The following PTPRC variants were observed in gnomAD, a reference collection of about 807,000 sequenced individuals.
PTPRC encodes the protein receptor-type tyrosine-protein phosphatase C.
A neutral mutation model predicts 155.9 loss-of-function variants in PTPRC; 44 were observed. The observed-to-expected ratio is 0.28, with a 90% CI of 0.22 to 0.36. The LOEUF (loss-of-function observed/expected upper bound fraction) is 0.36. PTPRC is among the 10% of genes least tolerant of loss of function. The pLI, the probability that PTPRC is intolerant of heterozygous loss-of-function variation, is 1.00. For missense variants in PTPRC, 1,401 were observed against 1,564.6 expected, an observed-to-expected ratio of 0.90 and a Z score of 1.76; for synonymous variants, 525 against 533.1, an observed-to-expected ratio of 0.98 and a Z score of 0.21.
chr1:198,641,045 A>G (rs1662552689), intron 2 of PTPRC, among the ~76,000 whole-genome samples: 1 of 152,050 alleles, frequency 6.6e-6, no homozygotes, highest in South Asian at 2.1e-4. Flanking sequence ...TGAATGATTT[A>G]TACCATAGCA....
At chr1:198,675,332 G>GA (rs1419473166) in intron 2 of PTPRC, among the ~76,000 whole-genome samples, 5 of 152,170 alleles carry the variant, frequency 3.3e-5, no homozygotes, top group South Asian at 4.1e-4. Context: ...ATTTATTATA[G>GA]AAAAAATTCC....
intron 2 of PTPRC, among the ~76,000 whole-genome samples, chr1:198,685,207 C>T (rs12077321): frequency 3.3e-5 from 5 of 151,822 alleles, no homozygotes; most frequent in Admixed American, 1.3e-4. Context: ...TTTAACATAA[C>T]GTCTACATAA....
At chr1:198,695,198 G>A (rs1571842486) in intron 3 of PTPRC, 1 of 875,098 alleles carries the variant, frequency 1.1e-6, no homozygotes, top group South Asian at 5.3e-5. Context: ...TTCTTCTCTA[G>A]TAATATTGCA....
intron 2 of PTPRC, chr1:198,666,918 A>T (rs1664344615): frequency 6.6e-6 from 1 of 152,212 alleles, no homozygotes; most frequent in Admixed American, 6.5e-5. Context: ...GTTCAAATAC[A>T]TTGGAGTTCT....
At chr1:198,731,382 G>A (rs962283727) in intron 17 of PTPRC, among the ~76,000 whole-genome samples, 8 of 151,952 alleles carry the variant, frequency 5.3e-5, no homozygotes, top group Non-Finnish European at 1.5e-5. Context: ...TAGAAAATGG[G>A]GAAGAACATT....
chr1:198,669,434 T>A (rs970048089), intron 2 of PTPRC, among the ~76,000 whole-genome samples: 2 of 152,166 alleles, frequency 1.3e-5, no homozygotes, highest in Non-Finnish European at 2.9e-5. Flanking sequence ...CTACCTAATC[T>A]GCTATATACT....
intron 29 of PTPRC, among the ~76,000 whole-genome samples, chr1:198,751,109 T>A (rs528143933): frequency 1.3e-5 from 2 of 152,146 alleles, no homozygotes; most frequent in Admixed American, 1.3e-4. Flanking sequence ...AACTTATTGA[T>A]ATTCCATGTA....
intron 12 of PTPRC, among the ~76,000 whole-genome samples, chr1:198,715,243 C>T (rs1653520530): frequency 6.6e-6 from 1 of 152,130 alleles, no homozygotes; most frequent in South Asian, 2.1e-4. Flanking sequence ...CCGCCTCAGC[C>T]TCCCTAGTAG....
intron 27 of PTPRC, among the ~76,000 whole-genome samples, chr1:198,748,614 T>C (rs1205459334): frequency 6.6e-6 from 1 of 151,798 alleles, no homozygotes; most frequent in Non-Finnish European, 1.5e-5. Context: ...TTATCCCTTA[T>C]AACTGGGAGG....
At chr1:198,706,620 C>T in intron 8 of PTPRC, 114 bp from the exon 9 acceptor site, 3 of 1,206,694 alleles carry the variant, frequency 2.5e-6, no homozygotes, top group South Asian at 2.9e-5. Flanking sequence ...TGTGTTTTTT[C>T]TTTTTCATGT....
chr1:198,744,311 C>A, intron 26 of PTPRC, 108 bp downstream of exon 26: 1 of 1,138,228 alleles, frequency 8.8e-7, no homozygotes, highest in Non-Finnish European at 1.3e-6. Flanking sequence ...ATTTAGTCTT[C>A]ACCAGAACCA....
chr1:198,741,663 A>C (rs932231414), intron 23 of PTPRC, among the ~76,000 whole-genome samples: 5 of 151,882 alleles, frequency 3.3e-5, no homozygotes, highest in Non-Finnish European at 5.9e-5. Context: ...AGTCCTGCAC[A>C]ATATCTTAAC....
intron 2 of PTPRC, among the ~76,000 whole-genome samples, chr1:198,643,002 A>G (rs1189267930): frequency 6.9e-6 from 1 of 144,356 alleles, no homozygotes; most frequent in Admixed American, 7.1e-5. Context: ...GATTGATTAA[A>G]AGAAAACAAA....
intron 26 of PTPRC, among the ~76,000 whole-genome samples, chr1:198,746,469 G>GAA (rs551367157): frequency 1.4e-5 from 2 of 145,330 alleles, no homozygotes; most frequent in African/African-American, 5.0e-5. Flanking sequence ...TTGGTGGAAA[G>GAA]AAAAAAAAAA....
At chr1:198,695,064 G>T (rs1666128341) in intron 3 of PTPRC, 7 of 922,584 alleles carry the variant, frequency 7.6e-6, no homozygotes, top group African/African-American at 1.8e-5. Context: ...GAATAGTTCT[G>T]CAATATTTCA....
intron 12 of PTPRC, among the ~76,000 whole-genome samples, chr1:198,716,082 C>T (rs1653572931): frequency 1.3e-5 from 2 of 152,136 alleles, no homozygotes; most frequent in African/African-American, 2.4e-5. Context: ...GTAATATTTT[C>T]TTTTCTCCCT....
At chr1:198,696,046 G>A (rs1005126387) in intron 3 of PTPRC, among the ~76,000 whole-genome samples, 1 of 151,932 alleles carries the variant, frequency 6.6e-6, no homozygotes, top group Non-Finnish European at 1.5e-5. Context: ...TGTAATCCCA[G>A]CTACTTGGGT....
At chr1:198,679,086 G>T in intron 2 of PTPRC, 1 of 178,950 alleles carries the variant, frequency 5.6e-6, no homozygotes, top group South Asian at 1.4e-4. Flanking sequence ...CTGAACTGGA[G>T]AACACGGCTT....
chr1:198,655,314 C>T (rs1234343916), intron 2 of PTPRC, among the ~76,000 whole-genome samples: 2 of 151,746 alleles, frequency 1.3e-5, no homozygotes, highest in Non-Finnish European at 2.9e-5. Flanking sequence ...ATTTATACAA[C>T]AATTAATTTT....
Sources: allele counts gnomAD v4.1 joint callset (sites outside exome capture counted in the v4.1 genomes callset), GRCh38; gene constraint gnomAD v4.1.1; transcripts MANE v1.5; gene names NCBI Gene and HGNC (gene_info 2026-07-23, HGNC 2026-07-21).